Variants in PRKN observed in about 807,000 individuals in gnomAD.
PRKN encodes parkin RBR E3 ubiquitin protein ligase.
A neutral mutation model predicts 59.5 loss-of-function variants in PRKN; 56 were observed. That is an observed-to-expected ratio of 0.94 (90% CI 0.76 to 1.18). The LOEUF is 1.18. PRKN is among the 50% of genes most tolerant of loss of function. PRKN has a pLI of 0.00. For missense variants in PRKN, 657 were observed against 596.4 expected (o/e 1.10, Z -1.06); for synonymous variants, 250 against 222.1 (o/e 1.13, Z -1.12).
Position 161,386,663 on chromosome 6 carries a change from C to G in PRKN, c.1167+131G>C, listed in dbSNP as rs1786263109. On this transcript the variant is annotated intron_variant, in intron 10 of 11. Transcript: ENST00000366898. The surrounding 1 kb of genome is among the most constrained non-coding windows in gnomAD (Gnocchi z 4.3). ...TTCTGGGAGAAGCCACGGCCCCATTCCCATGGCTGTCAGCTACCAGTCTGC... is the reference window on the plus strand; with the variant it reads ...TTCTGGGAGAAGCCACGGCCCCATTGCCATGGCTGTCAGCTACCAGTCTGC... 2 of 783,822 alleles carry G rather than the reference C, an allele frequency of 2.6e-6. No homozygotes were observed. Among genetic ancestry groups the G allele is most frequent in the African/African-American group, 1.7e-5 (1 of 59,150 alleles). 48.6% of individuals were successfully genotyped at this position (783,822 alleles called of 1,614,324 possible).
chr6:161,422,187 CAAATA>C, intron 9 of PRKN, among the ~76,000 whole-genome samples: 1 of 148,402 alleles, frequency 6.7e-6, no homozygotes, highest in East Asian at 2.0e-4. Flanking sequence ...TAAGGAAACA[CAAATA>C]AAATCTTTTT....
In PRKN at chr6:161,445,107, A is replaced by C. The variant is rs992562108; in HGVS notation, c.1084-58230T>G. On this transcript the variant is annotated intron_variant, in intron 9 of 11. Transcript: ENST00000366898. The surrounding 1 kb of genome is among the most constrained non-coding windows in gnomAD (Gnocchi z 7.7). ...GCCAGGGCTGGCACATCTGCCTAAA[A>C]CCCATAATTCTTGAACTTGACGTGC... Among the ~76,000 whole-genome samples, 1 of 151,996 alleles carries C rather than the reference A, an allele frequency of 6.6e-6. No individual in the cohort carries two copies. Among genetic ancestry groups the C allele is most frequent in the East Asian group, 1.9e-4 (1 of 5,152 alleles).
intron 7 of PRKN, among the ~76,000 whole-genome samples, chr6:161,598,875 T>A (rs1782012652): frequency 6.6e-6 from 1 of 152,202 alleles, no homozygotes. Flanking sequence ...CCAATGAATA[T>A]AACCTCATTT....
chr6:162,376,357 C>G lies in PRKN; in HGVS notation c.171+66953G>C, dbSNP rs376823433. Among the ~76,000 whole-genome samples the G allele has an allele frequency of 3.3e-5, 5 of 152,214 alleles. No homozygotes were observed. In the East Asian group the frequency reaches 7.8e-4, roughly 24 times the overall value. ...TAGAGTGGCAAATTGTATTATATTA[C>G]CAGTTTTACACATATCCACATGGAT... is the stretch of plus-strand genomic sequence containing the variant. On this transcript the variant is annotated intron_variant, in intron 2 of 11. Coordinates refer to ENST00000366898, the MANE Select transcript of PRKN (RefSeq NM_004562.3).
rs148406456 is a variant in PRKN at position 162,392,924 on chromosome 6, G to A, written c.171+50386C>T. Reference sequence around the variant, plus strand: ...CAAAGACCAGGAGCATGTCGGATCCGGGCTCACTGCTAAGCTTTCTCTGAC... The same window carrying A: ...CAAAGACCAGGAGCATGTCGGATCCAGGCTCACTGCTAAGCTTTCTCTGAC... On this transcript the variant is annotated intron_variant, in intron 2 of 11. Transcript: ENST00000366898. Among the ~76,000 whole-genome samples, 103 of 151,920 alleles carry A rather than the reference G, an allele frequency of 6.8e-4. 2 individuals are homozygous for A. The East Asian group carries it at 0.015, about 21-fold the overall frequency.
intron 4 of PRKN, among the ~76,000 whole-genome samples, chr6:162,158,085 A>AAC (rs1782596520): frequency 4.6e-5 from 7 of 152,106 alleles, no homozygotes; most frequent in Admixed American, 4.6e-4. Context: ...GGGTGCGATA[A>AAC]GTTTTTGGCA....
chr6:162,540,884 G>A (rs931875851), intron 1 of PRKN, among the ~76,000 whole-genome samples: 2 of 151,810 alleles, frequency 1.3e-5, no homozygotes, highest in African/African-American at 4.8e-5. Context: ...TATCTGTCAC[G>A]TGTCATTCTC....
At chr6:161,631,768 G>A (rs1783319557) in intron 7 of PRKN, among the ~76,000 whole-genome samples, 1 of 61,080 alleles carries the variant, frequency 1.6e-5, no homozygotes, top group Non-Finnish European at 3.2e-5. Flanking sequence ...CACACACCCA[G>A]ACAAACACAC....
At position 162,446,399 on chromosome 6, in the gene PRKN, G is replaced by C. The variant is rs565194013; in HGVS notation, c.8-2926C>G. Among the ~76,000 whole-genome samples, 3 of 152,254 alleles carry C rather than the reference G, an allele frequency of 2.0e-5. No individual in the cohort carries two copies. In the South Asian group the frequency reaches 6.2e-4, roughly 32 times the overall value. ...ATCCTAAGTTTATGATTTTGCTCCAGGGGTTCAAATCATGGAACTCCTACT... is the reference window on the plus strand; with the variant it reads ...ATCCTAAGTTTATGATTTTGCTCCACGGGTTCAAATCATGGAACTCCTACT... On this transcript the variant is annotated intron_variant, in intron 1 of 11. Coordinates refer to ENST00000366898, the MANE Select transcript of PRKN (RefSeq NM_004562.3).
At position 161,395,756 on chromosome 6, in the gene PRKN, T is replaced by C. The variant is rs1358893550; in HGVS notation, c.1084-8879A>G. Among the ~76,000 whole-genome samples, 1 of 152,210 alleles carries C rather than the reference T, an allele frequency of 6.6e-6. No homozygotes were observed. ...AATTACTCTGACCACGTTTAAGTCT[T>C]GTCTACACAGCCAAAGCTGGGTCAG... On this transcript the variant is annotated intron_variant, in intron 9 of 11. Transcript: ENST00000366898. This position sits in a 1 kb window ranked among gnomAD's most constrained non-coding sequence, Gnocchi z 5.0.
intron 7 of PRKN, among the ~76,000 whole-genome samples, chr6:161,681,565 A>G (rs980924709): frequency 6.6e-6 from 1 of 152,026 alleles, no homozygotes; most frequent in Non-Finnish European, 1.5e-5. Flanking sequence ...TACAATGCTC[A>G]TTTCTGTATT....
rs201551079 is a variant in PRKN, at chr6:162,216,565, C to A, written c.413-15313G>T. Among the ~76,000 whole-genome samples, 601 of 119,910 alleles carry A rather than the reference C, an allele frequency of 5.0e-3. 8 individuals carry two copies. The highest frequency in any genetic ancestry group is 0.016 in the African/African-American group (526 of 32,190). 78.7% of individuals were successfully genotyped at this position (119,910 alleles called of 152,430 possible). ...AAAAAAAAAAAAAAAAAAAAAAAAA[C>A]CCAGTTTGCCTGGCTTTTTCAGGAA... On this transcript the variant is annotated intron_variant, in intron 3 of 11. Coordinates refer to ENST00000366898, the MANE Select transcript of PRKN (RefSeq NM_004562.3).
chr6:162,274,485 G>A (rs905786617), intron 2 of PRKN, among the ~76,000 whole-genome samples: 1 of 152,098 alleles, frequency 6.6e-6, no homozygotes, highest in Non-Finnish European at 1.5e-5. Flanking sequence ...ACTGTGCCTG[G>A]CGTTCAATGT....
intron 6 of PRKN, among the ~76,000 whole-genome samples, chr6:161,843,508 G>C (rs1231609248): frequency 6.6e-6 from 1 of 152,148 alleles, no homozygotes; most frequent in African/African-American, 2.4e-5. Flanking sequence ...ATTCCTGGCT[G>C]GGCGCAGTGG....
At chr6:161,779,655 G>A (rs1358664891) in intron 7 of PRKN, among the ~76,000 whole-genome samples, 2 of 151,658 alleles carry the variant, frequency 1.3e-5, no homozygotes, top group Non-Finnish European at 2.9e-5. Context: ...ATGTTGGCCT[G>A]GCTGGTCTCA....
chr6:161,687,744 C>T (rs1249977459), intron 7 of PRKN, among the ~76,000 whole-genome samples: 1 of 152,048 alleles, frequency 6.6e-6, no homozygotes, highest in Non-Finnish European at 1.5e-5. Flanking sequence ...GTTTGAGCCA[C>T]CGCGCCGGGC....
intron 2 of PRKN, among the ~76,000 whole-genome samples, chr6:162,337,870 G>T (rs1219395317): frequency 1.3e-5 from 2 of 152,062 alleles, no homozygotes; most frequent in African/African-American, 4.8e-5. Flanking sequence ...GAAAATGTGA[G>T]AGTATTACAA....
Position 162,056,664 on chromosome 6 carries a change from G to A in PRKN, c.535-2490C>T, listed in dbSNP as rs1306581363. Among the ~76,000 whole-genome samples the A allele has an allele frequency of 2.6e-5, 4 of 152,178 alleles. No individual in the cohort carries two copies. The highest frequency in any genetic ancestry group is 1.9e-4 in the East Asian group (1 of 5,174). On this transcript the variant is annotated intron_variant, in intron 4 of 11. Coordinates refer to ENST00000366898, the MANE Select transcript of PRKN (RefSeq NM_004562.3). The surrounding 1 kb of genome is among the most constrained non-coding windows in gnomAD (Gnocchi z 4.9). ...ATCTGGGAATGTGAATTTTGGAAGC[G>A]TCCACATCATTCCCTTACTGCTACG...
chr6:161,723,136 T>C (rs62439166), intron 7 of PRKN, among the ~76,000 whole-genome samples: 71,131 of 151,034 alleles, frequency 0.47, 18,265 homozygotes, highest in African/African-American at 0.69. Flanking sequence ...AGTGTGGAGG[T>C]GAGTGCCTGT....
Sources: allele counts gnomAD v4.1 joint callset (sites outside exome capture counted in the v4.1 genomes callset), GRCh38; gene constraint gnomAD v4.1.1; non-coding constraint Gnocchi (gnomAD v3.1); transcripts MANE v1.5; gene names NCBI Gene and HGNC (gene_info 2026-07-23, HGNC 2026-07-21).